SUSD4: variants seen among roughly 807,000 people sequenced by gnomAD.
SUSD4 encodes the protein sushi domain-containing protein 4.
A neutral mutation model predicts 50.5 loss-of-function variants in SUSD4; 41 were observed. That is an observed-to-expected ratio of 0.81 (90% CI 0.63 to 1.05). The LOEUF is 1.05. Ranked by LOEUF, SUSD4 falls within the 50% of genes least tolerant of loss-of-function variation. SUSD4 has a pLI of 0.00. For missense variants in SUSD4, 580 were observed against 634.7 expected (o/e 0.91, Z 0.93); for synonymous variants, 257 against 257.3 (o/e 1.00, Z 0.01).
chr1:223,284,257 C>G (rs1663978739), intron 3 of SUSD4, among the ~76,000 whole-genome samples: 1 of 152,170 alleles, frequency 6.6e-6, no homozygotes, highest in Admixed American at 6.5e-5. Flanking sequence ...AACCAGTCCC[C>G]TGCATGAACA....
intron 5 of SUSD4, among the ~76,000 whole-genome samples, chr1:223,253,390 A>G (rs1486775510): frequency 1.3e-5 from 2 of 152,188 alleles, no homozygotes; most frequent in African/African-American, 4.8e-5. Context: ...TACCATTTCT[A>G]TGAAAAAAAT....
intron 5 of SUSD4, among the ~76,000 whole-genome samples, chr1:223,239,484 T>C (rs1571859235): frequency 6.6e-6 from 1 of 152,144 alleles, no homozygotes; most frequent in African/African-American, 2.4e-5. Context: ...TTTTATCTGA[T>C]TACATTTTCT....
chr1:223,302,298 T>C (rs1054985597), intron 2 of SUSD4, among the ~76,000 whole-genome samples: 1 of 152,218 alleles, frequency 6.6e-6, no homozygotes, highest in Non-Finnish European at 1.5e-5. Context: ...TAAGTATGTC[T>C]TTATAGCAGT....
intron 7 of SUSD4, among the ~76,000 whole-genome samples, chr1:223,225,466 G>A (rs1178907765): frequency 6.6e-6 from 1 of 152,156 alleles, no homozygotes; most frequent in Non-Finnish European, 1.5e-5. Flanking sequence ...GAGGGCGGGA[G>A]ACCACCAAGA....
At chr1:223,339,455 G>A (rs1667634011) in intron 2 of SUSD4, among the ~76,000 whole-genome samples, 1 of 152,094 alleles carries the variant, frequency 6.6e-6, no homozygotes, top group East Asian at 1.9e-4. Flanking sequence ...AGCCAGCGGG[G>A]CAGGGGTGGG....
intron 2 of SUSD4, among the ~76,000 whole-genome samples, chr1:223,339,203 G>A (rs1410400059): frequency 6.6e-6 from 1 of 152,232 alleles, no homozygotes; most frequent in Non-Finnish European, 1.5e-5. Context: ...TTGTGCACAT[G>A]AGTTTGGTGT....
chr1:223,256,248 C>G (rs142438976), intron 5 of SUSD4, among the ~76,000 whole-genome samples: 3 of 152,118 alleles, frequency 2.0e-5, no homozygotes, highest in Non-Finnish European at 4.4e-5. Context: ...CTCAGGTGGC[C>G]GGGCTGGTCT....
At chr1:223,314,698 G>C (rs1666076873) in intron 2 of SUSD4, among the ~76,000 whole-genome samples, 1 of 152,150 alleles carries the variant, frequency 6.6e-6, no homozygotes, top group Non-Finnish European at 1.5e-5. Context: ...TATAAGGGGA[G>C]TTTCCTTGCA....
At chr1:223,354,761 A>T (rs142439783) in intron 2 of SUSD4, among the ~76,000 whole-genome samples, 2 of 152,180 alleles carry the variant, frequency 1.3e-5, no homozygotes, top group African/African-American at 4.8e-5. Flanking sequence ...AAACCTATTA[A>T]ATTTTTACAA....
intron 5 of SUSD4, among the ~76,000 whole-genome samples, chr1:223,238,897 G>A (rs1443456494): frequency 6.6e-6 from 1 of 151,950 alleles, no homozygotes; most frequent in Non-Finnish European, 1.5e-5. Flanking sequence ...CTGATTTTCT[G>A]CCTGCTGGAT....
intron 2 of SUSD4, among the ~76,000 whole-genome samples, chr1:223,307,521 C>T (rs1436900609): frequency 6.6e-6 from 1 of 152,136 alleles, no homozygotes; most frequent in Non-Finnish European, 1.5e-5. Flanking sequence ...ATATTCCTTC[C>T]CTTACATAGC....
chr1:223,297,529 G>T (rs1664906685), intron 2 of SUSD4, among the ~76,000 whole-genome samples: 1 of 152,174 alleles, frequency 6.6e-6, no homozygotes, highest in African/African-American at 2.4e-5. Context: ...TCCTACTGAA[G>T]CAGGAAGGGA....
chr1:223,295,123 G>A lies in SUSD4; in HGVS notation c.149-2472C>T, dbSNP rs116504964. ...GACTGGATGTTGGGGTTAGGAAGAGGTCTAAGACATTTTGTGCCCAGATAG... is the reference window on the plus strand; with the variant it reads ...GACTGGATGTTGGGGTTAGGAAGAGATCTAAGACATTTTGTGCCCAGATAG... On this transcript the variant is annotated intron_variant, in intron 2 of 8. Transcript: ENST00000366878. Among the ~76,000 whole-genome samples the A allele has an allele frequency of 5.8e-3, 876 of 152,298 alleles. 10 individuals are homozygous for A. Among genetic ancestry groups the A allele is most frequent in the Non-Finnish European group, 7.8e-3 (533 of 68,022 alleles).
chr1:223,281,702 A>G lies in SUSD4; in HGVS notation c.361+10737T>C, dbSNP rs571994651. Reference sequence around the variant, plus strand: ...CATTCCTTCTGAAACTATTCCAATCAATAGAAAAAGAGGGAATCCTCCCTA... The same window carrying G: ...CATTCCTTCTGAAACTATTCCAATCGATAGAAAAAGAGGGAATCCTCCCTA... On this transcript the variant is annotated intron_variant, in intron 3 of 8. Transcript: ENST00000366878. Among the ~76,000 whole-genome samples the G allele has an allele frequency of 5.9e-5, 9 of 152,314 alleles. No individual in the cohort carries two copies. In the South Asian group the frequency reaches 1.5e-3, roughly 25 times the overall value.
At chr1:223,338,999 A>T (rs1377881806) in intron 2 of SUSD4, among the ~76,000 whole-genome samples, 1 of 152,142 alleles carries the variant, frequency 6.6e-6, no homozygotes, top group Non-Finnish European at 1.5e-5. Context: ...GTGTGGTGAG[A>T]GATGGGAAGA....
intron 5 of SUSD4, 94 bp downstream of exon 5, chr1:223,264,535 AT>A (rs1662344339): frequency 1.3e-6 from 2 of 1,534,458 alleles, no homozygotes; most frequent in Non-Finnish European, 1.8e-6. Context: ...AAGAAAAGTT[AT>A]TGCCCATCAT....
In SUSD4 at chr1:223,264,788, C is replaced by A; in HGVS notation, c.566G>T (p.Gly189Val). ...GCLRPLASSN[G>V]YVNISELQTS... Reference sequence around the variant, plus strand: ...CTGGAGCTCAGAGATGTTTACATAGCCATTAGAAGAGGCTAGAGGTCTCAG... The same window carrying A: ...CTGGAGCTCAGAGATGTTTACATAGACATTAGAAGAGGCTAGAGGTCTCAG... Residue 189 changes from glycine (G) to valine (V), a missense_variant, in exon 5 of 9, where the codon GGC (glycine) becomes GTC (valine). Gly to Val is a moderately radical substitution (Grantham distance 109, BLOSUM62 -3). Coordinates refer to ENST00000366878, the MANE Select transcript of SUSD4 (RefSeq NM_017982.4). The A allele has an allele frequency of 6.2e-7, 1 of 1,614,120 alleles. No individual in the cohort carries two copies.
At chr1:223,348,608 C>T (rs958094645) in intron 2 of SUSD4, among the ~76,000 whole-genome samples, 1 of 152,160 alleles carries the variant, frequency 6.6e-6, no homozygotes, top group Non-Finnish European at 1.5e-5. Flanking sequence ...AGCTCTGATG[C>T]CTACCAGTCC....
chr1:223,229,717 C>G lies in SUSD4; in HGVS notation c.725-329G>C, dbSNP rs887299564. On this transcript the variant is annotated intron_variant, in intron 5 of 8. Coordinates refer to ENST00000366878, the MANE Select transcript of SUSD4 (RefSeq NM_017982.4). This position sits in a 1 kb window ranked among gnomAD's most constrained non-coding sequence, Gnocchi z 4.7. ...TATTAATAATGCATGCTATTATGTG[C>G]CAGACAACCTAGTAAATAAAATTAA... Among the ~76,000 whole-genome samples the G allele has an allele frequency of 4.6e-5, 7 of 152,088 alleles. No homozygotes were observed. The highest frequency in any genetic ancestry group is 1.7e-4 in the African/African-American group (7 of 41,408).
Sources: gnomAD v4.1 joint callset for allele counts (sites outside exome capture counted in the v4.1 genomes callset) on GRCh38, gnomAD v4.1.1 for gene constraint, Gnocchi (gnomAD v3.1) non-coding constraint, MANE v1.5 for transcripts, NCBI Gene and HGNC (gene_info 2026-07-23, HGNC 2026-07-21) for gene names.